The following KALRN variants were observed in gnomAD, a reference collection of about 807,000 sequenced individuals.
The protein encoded by KALRN is kalirin.
In KALRN, 70 loss-of-function variants were observed where a neutral mutation model predicts 353.7. The ratio of observed to expected loss-of-function variants is 0.20; its 90% CI spans 0.16 to 0.24. The LOEUF (loss-of-function observed/expected upper bound fraction) is 0.24, where lower values mean the gene tolerates loss of function less well. Among genes scored for constraint, KALRN ranks in the 10% least tolerant of loss-of-function variants. The pLI is 1.00. For synonymous variants in KALRN, 1,391 were observed against 1,434.8 expected (o/e 0.97, Z 0.69); for missense variants, 2,791 against 3,756.7 (o/e 0.74, Z 6.72).
chr3:124,439,187 T>TTC lies in KALRN; in HGVS notation c.3198+163_3198+164dup, dbSNP rs111880516. 873 of 480,494 alleles carry TTC rather than the reference T, an allele frequency of 1.8e-3. 3 individuals are homozygous for TTC. Among genetic ancestry groups the TTC allele is most frequent in the Admixed American group, 2.5e-3 (66 of 26,086 alleles). 29.8% of individuals were successfully genotyped at this position (480,494 alleles called of 1,614,324 possible). ...TTTCTCCTCCTCCTCCTTCTTCTCCTTCTCTCTCTCTCTCACACACACACA... is the reference window on the plus strand; with the variant it reads ...TTTCTCCTCCTCCTCCTTCTTCTCCTTCTCTCTCTCTCTCTCACACACACACA... On this transcript the variant is annotated intron_variant, in intron 18 of 59. Coordinates refer to ENST00000682506, the MANE Select transcript of KALRN (RefSeq NM_001388419.1).
intron 14 of KALRN, among the ~76,000 whole-genome samples, chr3:124,422,087 G>A (rs1217582682): frequency 6.6e-6 from 1 of 152,154 alleles, no homozygotes; most frequent in Non-Finnish European, 1.5e-5. Context: ...CCTTGAGTGG[G>A]CACAACTTTA....
At chr3:124,239,584 A>G (rs1347774037) in intron 3 of KALRN, among the ~76,000 whole-genome samples, 1 of 152,222 alleles carries the variant, frequency 6.6e-6, no homozygotes, top group Non-Finnish European at 1.5e-5. Flanking sequence ...AGGTGCCTTT[A>G]CTTGTGGCCT....
At chr3:124,592,101 G>A (rs2075836572) in intron 34 of KALRN, among the ~76,000 whole-genome samples, 1 of 152,048 alleles carries the variant, frequency 6.6e-6, no homozygotes, top group Non-Finnish European at 1.5e-5. Context: ...GGGAGTTCAA[G>A]ACCAGCCTGG....
At chr3:124,548,901 G>A (rs890454552) in intron 33 of KALRN, among the ~76,000 whole-genome samples, 2 of 152,186 alleles carry the variant, frequency 1.3e-5, no homozygotes, top group African/African-American at 4.8e-5. Flanking sequence ...TGATCTGCCT[G>A]CCTCAGCCTC....
intron 1 of KALRN, among the ~76,000 whole-genome samples, chr3:124,186,967 G>A (rs1055233430): frequency 1.3e-5 from 2 of 152,142 alleles, no homozygotes; most frequent in African/African-American, 4.8e-5. Context: ...ATTTTGAAGG[G>A]GGATCTTAAT....
intron 23 of KALRN, among the ~76,000 whole-genome samples, 176 bp from the exon 24 acceptor site, chr3:124,461,714 A>G (rs1159083218): frequency 6.6e-6 from 1 of 152,234 alleles, no homozygotes; most frequent in African/African-American, 2.4e-5. Flanking sequence ...CACAAGTATC[A>G]TAGGAAGATA....
intron 10 of KALRN, among the ~76,000 whole-genome samples, chr3:124,382,556 T>C (rs570342228): frequency 2.0e-5 from 3 of 152,318 alleles, no homozygotes; most frequent in Non-Finnish European, 2.9e-5. Flanking sequence ...CTGGGACAAA[T>C]TGATCACCTT....
intron 49 of KALRN, chr3:124,677,489 A>T (rs886982083): frequency 3.0e-5 from 13 of 431,064 alleles, no homozygotes; most frequent in African/African-American, 2.7e-4. Context: ...AGCACACATT[A>T]GTTCTTGTCC....
At chr3:124,385,120 C>G in intron 11 of KALRN, 84 bp downstream of exon 11, 1 of 1,253,520 alleles carries the variant, frequency 8.0e-7, no homozygotes, top group Non-Finnish European at 1.1e-6. Context: ...AAGGTCTGAC[C>G]AGGGTCCTGG....
intron 38 of KALRN, among the ~76,000 whole-genome samples, chr3:124,652,587 T>TAGCATGTAGC: frequency 6.6e-6 from 1 of 152,130 alleles, no homozygotes; most frequent in East Asian, 1.9e-4. Context: ...TCACTACTCT[T>TAGCATGTAGC]TTTTTTTGAG....
Position 124,228,039 on chromosome 3 carries a change from A to G in KALRN, c.123A>G (p.Leu41=). Residue 41 remains leucine, a synonymous_variant, in exon 2 of 60, where the codon CTA becomes CTG. Coordinates refer to ENST00000682506, the MANE Select transcript of KALRN (RefSeq NM_001388419.1). ...GLKASDVLPI[L]KEKVAFVSGG... ...AAGCTTCTGATGTCCTTCCTATCCT[A>G]AAGGAAAAGGTGGCCTTCGTGTCTG... 2 of 1,613,948 alleles carry G rather than the reference A, an allele frequency of 1.2e-6. No homozygotes were observed. The highest frequency in any genetic ancestry group is 1.7e-6 in the Non-Finnish European group (2 of 1,179,874).
chr3:124,650,756 C>T, intron 37 of KALRN, 52 bp from the exon 38 acceptor site: 2 of 1,576,598 alleles, frequency 1.3e-6, no homozygotes, highest in East Asian at 2.3e-5. Flanking sequence ...ACAGGGATTC[C>T]AAATGACTTT....
At chr3:124,211,395 A>C (rs916211380) in intron 1 of KALRN, among the ~76,000 whole-genome samples, 3 of 152,248 alleles carry the variant, frequency 2.0e-5, no homozygotes, top group African/African-American at 7.2e-5. Flanking sequence ...TCAAAATTGA[A>C]ATAGTAATAT....
chr3:124,562,682 C>A, intron 33 of KALRN, 161 bp from the exon 34 acceptor site: 1 of 503,718 alleles, frequency 2.0e-6, no homozygotes, highest in Non-Finnish European at 3.2e-6. Context: ...CTTCTGCCAT[C>A]TCTCTGCCCT....
intron 42 of KALRN, among the ~76,000 whole-genome samples, 169 bp downstream of exon 42, chr3:124,658,686 A>C (rs1329402447): frequency 1.3e-5 from 2 of 152,184 alleles, no homozygotes; most frequent in African/African-American, 4.8e-5. Flanking sequence ...TTCTTAGCTA[A>C]ATTCTCATGA....
At chr3:124,585,606 G>C (rs1430632485) in intron 34 of KALRN, among the ~76,000 whole-genome samples, 2 of 152,104 alleles carry the variant, frequency 1.3e-5, no homozygotes, top group African/African-American at 2.4e-5. Flanking sequence ...GGGCGAGAAG[G>C]ATCACAGAGG....
chr3:124,616,044 C>T (rs896602488), intron 34 of KALRN, among the ~76,000 whole-genome samples: 1 of 152,172 alleles, frequency 6.6e-6, no homozygotes, highest in African/African-American at 2.4e-5. Context: ...TCCTGTTCCA[C>T]CCAAAAATAC....
chr3:124,347,777 C>G (rs1390333635), intron 10 of KALRN, among the ~76,000 whole-genome samples: 1 of 152,148 alleles, frequency 6.6e-6, no homozygotes, highest in African/African-American at 2.4e-5. Context: ...CACCTGCTCA[C>G]CAGCCATGCG....
intron 1 of KALRN, among the ~76,000 whole-genome samples, chr3:124,052,218 T>C (rs935245008): frequency 4.6e-5 from 7 of 152,238 alleles, no homozygotes; most frequent in African/African-American, 1.7e-4. Context: ...ACAGGGGCAC[T>C]AGCCCCCTTG....
Sources: allele counts gnomAD v4.1 joint callset (sites outside exome capture counted in the v4.1 genomes callset), GRCh38; gene constraint gnomAD v4.1.1; transcripts MANE v1.5; gene names NCBI Gene and HGNC (gene_info 2026-07-23, HGNC 2026-07-21).